Variants in SYN3 observed in about 807,000 individuals in gnomAD.
SYN3 encodes the protein synapsin-3.
SYN3 carries 35 observed loss-of-function variants against 65.8 expected under a neutral mutation model. The ratio of observed to expected loss-of-function variants is 0.53; its 90% CI spans 0.41 to 0.70. The LOEUF (loss-of-function observed/expected upper bound fraction) is 0.70. Among genes scored for constraint, SYN3 ranks in the 30% least tolerant of loss-of-function variants. The pLI is 0.00. For synonymous variants in SYN3, 270 were observed against 292.9 expected, an observed-to-expected ratio of 0.92 and a Z score of 0.80; for missense variants, 680 against 749.0, an observed-to-expected ratio of 0.91 and a Z score of 1.08.
intron 6 of SYN3, among the ~76,000 whole-genome samples, chr22:32,847,803 G>T (rs564748499): frequency 2.0e-5 from 3 of 152,192 alleles, no homozygotes; most frequent in Non-Finnish European, 4.4e-5. Context: ...AGATTGATAG[G>T]ATCTCAGGGC....
chr22:32,553,686 T>C (rs1175148867), intron 7 of SYN3, among the ~76,000 whole-genome samples: 1 of 152,096 alleles, frequency 6.6e-6, no homozygotes, highest in Non-Finnish European at 1.5e-5. Context: ...CTTTGGAAAA[T>C]GTTGTGTCAG....
At chr22:32,924,161 T>A (rs562755768) in intron 4 of SYN3, among the ~76,000 whole-genome samples, 1 of 152,354 alleles carries the variant, frequency 6.6e-6, no homozygotes, top group Admixed American at 6.5e-5. Flanking sequence ...CATGCATGTG[T>A]CTTTATGGTA....
intron 3 of SYN3, among the ~76,000 whole-genome samples, chr22:32,956,025 C>T (rs2051442255): frequency 8.4e-6 from 1 of 118,660 alleles, no homozygotes; most frequent in South Asian, 2.8e-4. Flanking sequence ...TGAGTTAATA[C>T]TACTTAATAA....
chr22:33,046,161 G>A (rs1033184996), intron 1 of SYN3, among the ~76,000 whole-genome samples: 2 of 152,032 alleles, frequency 1.3e-5, no homozygotes, highest in African/African-American at 2.4e-5. Context: ...CTATAAAGAC[G>A]GCTAAAATAA....
chr22:32,552,315 G>C (rs757342424), intron 7 of SYN3, among the ~76,000 whole-genome samples: 12 of 152,040 alleles, frequency 7.9e-5, no homozygotes, highest in Non-Finnish European at 1.2e-4. Flanking sequence ...ATGAGAATTA[G>C]ATCTGAAAAA....
intron 6 of SYN3, chr22:32,859,675 A>AT (rs2048481465): frequency 2.7e-6 from 1 of 376,760 alleles, no homozygotes; most frequent in East Asian, 5.3e-5. Context: ...TATAATCTCT[A>AT]TTTTTTTAGG....
At chr22:32,959,320 G>T (rs2146875366) in intron 3 of SYN3, among the ~76,000 whole-genome samples, 1 of 152,062 alleles carries the variant, frequency 6.6e-6, no homozygotes, top group African/African-American at 2.4e-5. Flanking sequence ...CAGCTACATG[G>T]AACTGTAAGT....
intron 4 of SYN3, among the ~76,000 whole-genome samples, chr22:32,871,836 CA>C (rs2048857410): frequency 6.6e-6 from 1 of 151,834 alleles, no homozygotes; most frequent in Admixed American, 6.6e-5. Flanking sequence ...TGCTGTTACC[CA>C]GGTTGGTCTT....
intron 7 of SYN3, among the ~76,000 whole-genome samples, chr22:32,593,403 T>A (rs944523670): frequency 6.6e-6 from 1 of 152,156 alleles, no homozygotes; most frequent in African/African-American, 2.4e-5. Flanking sequence ...GGGAATGCTT[T>A]GACTTTACCA....
At position 32,552,160 on chromosome 22, in the gene SYN3, C is replaced by T. The variant is rs143039515; in HGVS notation, c.775-10447G>A. Among the ~76,000 whole-genome samples, 277 of 152,296 alleles carry T rather than the reference C, an allele frequency of 1.8e-3. 1 individual carries two copies. Among genetic ancestry groups the T allele is most frequent in the African/African-American group, 6.3e-3 (260 of 41,562 alleles). On this transcript the variant is annotated intron_variant, in intron 7 of 13. Transcript: ENST00000358763. ...ACTTGGGAGGTTGAGGCGGAAGAAT[C>T]GCTTGAACCCGGGAGGCGGAGGTTG...
intron 6 of SYN3, among the ~76,000 whole-genome samples, chr22:32,620,620 C>T (rs2059580528): frequency 6.6e-6 from 1 of 152,096 alleles, no homozygotes; most frequent in Non-Finnish European, 1.5e-5. Flanking sequence ...GCCAGATCTT[C>T]TCAATTTTCA....
At chr22:32,911,661 C>G (rs915467341) in intron 4 of SYN3, among the ~76,000 whole-genome samples, 3 of 152,134 alleles carry the variant, frequency 2.0e-5, no homozygotes, top group African/African-American at 7.2e-5. Context: ...TAAAAGATGG[C>G]TGCACGGCTC....
At chr22:33,017,889 G>A (rs566914912) in intron 1 of SYN3, among the ~76,000 whole-genome samples, 3 of 152,166 alleles carry the variant, frequency 2.0e-5, no homozygotes, top group East Asian at 3.9e-4. Context: ...AGAGAGAAGT[G>A]TATAAGCAAA....
At chr22:32,985,995 T>G (rs2052513977) in intron 2 of SYN3, among the ~76,000 whole-genome samples, 1 of 151,988 alleles carries the variant, frequency 6.6e-6, no homozygotes, top group African/African-American at 2.4e-5. Flanking sequence ...CCTTACCACT[T>G]CACGTTGTCA....
At chr22:33,020,893 C>A (rs756243823) in intron 1 of SYN3, among the ~76,000 whole-genome samples, 5 of 152,210 alleles carry the variant, frequency 3.3e-5, no homozygotes, top group Admixed American at 1.3e-4. Flanking sequence ...TACTTAGCCT[C>A]TCTGTGCCTC....
rs907828040 is a variant in SYN3 at position 32,988,304 on chromosome 22, TC to T, written c.312-7603del. Among the ~76,000 whole-genome samples the T allele has an allele frequency of 2.4e-5, 3 of 122,694 alleles. No homozygotes were observed. In the South Asian group the frequency reaches 7.8e-4, roughly 32 times the overall value. 80.5% of individuals were successfully genotyped at this position (122,694 alleles called of 152,430 possible). On this transcript the variant is annotated intron_variant, in intron 2 of 13. Transcript: ENST00000358763. ...TCTGGCAACAGAGCAAGACTCTGTC[TC>T]AAAATAATAATAATAATAATAATAA...
chr22:32,845,022 C>T (rs1248930783), intron 6 of SYN3, among the ~76,000 whole-genome samples: 1 of 152,172 alleles, frequency 6.6e-6, no homozygotes, highest in Non-Finnish European at 1.5e-5. Context: ...TGCCACCACA[C>T]CCAGCCTCTT....
chr22:32,797,816 T>C (rs1325447058), intron 6 of SYN3, among the ~76,000 whole-genome samples: 5 of 152,198 alleles, frequency 3.3e-5, no homozygotes, highest in African/African-American at 9.6e-5. Flanking sequence ...TTCAGAAGCA[T>C]TCACTTGTCC....
At chr22:33,040,757 G>A (rs543315057) in intron 1 of SYN3, among the ~76,000 whole-genome samples, 3 of 152,222 alleles carry the variant, frequency 2.0e-5, no homozygotes, top group East Asian at 1.9e-4. Flanking sequence ...TTTTATAAGC[G>A]TCTGTCATTT....
Sources: allele counts gnomAD v4.1 joint callset (sites outside exome capture counted in the v4.1 genomes callset), GRCh38; gene constraint gnomAD v4.1.1; transcripts MANE v1.5; gene names NCBI Gene and HGNC (gene_info 2026-07-23, HGNC 2026-07-21).